Variants in CD8B observed in about 807,000 individuals in gnomAD.
CD8B encodes the protein T-cell surface glycoprotein CD8 beta chain.
A neutral mutation model predicts 24.2 loss-of-function variants in CD8B; 6 were observed. That is an observed-to-expected ratio of 0.25 (90% confidence interval 0.14 to 0.49). The LOEUF is 0.49. Ranked by LOEUF, CD8B falls within the 20% of genes least tolerant of loss-of-function variation. CD8B has a pLI of 0.98. For missense variants in CD8B, 196 were observed against 271.3 expected, an observed-to-expected ratio of 0.72 and a Z score of 1.95; for synonymous variants, 84 against 108.3, an observed-to-expected ratio of 0.78 and a Z score of 1.39.
At chr2:86,843,137 G>A (rs1675515174) in intron 5 of CD8B, among the ~76,000 whole-genome samples, 1 of 152,066 alleles carries the variant, frequency 6.6e-6, no homozygotes, top group African/African-American at 2.4e-5. Context: ...TTGTTGCCCA[G>A]GCTGCAGCGG....
chr2:86,830,535 C>G (rs1189391270), intron 5 of CD8B, among the ~76,000 whole-genome samples: 2 of 151,666 alleles, frequency 1.3e-5, no homozygotes, highest in Non-Finnish European at 2.9e-5. Context: ...CCACTGCACT[C>G]CAGCCTAGGG....
downstream of CD8B, among the ~76,000 whole-genome samples, chr2:86,833,643 T>TCCCTCCCTCCCTCCCTCCCTC: frequency 1.4e-5 from 1 of 72,694 alleles, no homozygotes; most frequent in Admixed American, 1.4e-4. Context: ...CTCCCTCCCT[T>TCCCTCCCTCCCTCCCTCCCTC]CCTTCCTTCC....
chr2:86,845,437 G>T (rs1675630608), intron 4 of CD8B, among the ~76,000 whole-genome samples: 1 of 152,178 alleles, frequency 6.6e-6, no homozygotes, highest in Non-Finnish European at 1.5e-5. Flanking sequence ...ATTGACATTT[G>T]TATTTCAGCC....
At chr2:86,854,534 C>T (rs1676138504) in intron 2 of CD8B, among the ~76,000 whole-genome samples, 2 of 152,290 alleles carry the variant, frequency 1.3e-5, no homozygotes. Flanking sequence ...AAACCCCTGT[C>T]CTGACTCCTG....
chr2:86,842,140 C>T lies in CD8B; in HGVS notation c.*167G>A. 2.0e-6 allele frequency: 3 copies of T among 1,469,764 alleles called. No individual in the cohort carries two copies. The highest frequency in any genetic ancestry group is 2.7e-6 in the Non-Finnish European group (3 of 1,110,730). 91.0% of individuals were successfully genotyped at this position (1,469,764 alleles called of 1,614,324 possible). On this transcript the variant is annotated 3_prime_UTR_variant, in exon 6 of 6. Coordinates refer to ENST00000390655, the MANE Select transcript of CD8B (RefSeq NM_004931.5). Reference sequence around the variant, plus strand: ...CCCGATGACCCACGAACAAGTTGCTCCCATGCACATCACACACAGAAAGGC... The same window carrying T: ...CCCGATGACCCACGAACAAGTTGCTTCCATGCACATCACACACAGAAAGGC...
chr2:86,841,347 C>T lies in CD8B; in HGVS notation c.*960G>A, dbSNP rs531911502. 1.7e-4 allele frequency among the ~76,000 whole-genome samples: 26 copies of T among 150,008 alleles called. No homozygotes were observed. Among genetic ancestry groups the T allele is most frequent in the African/African-American group, 5.6e-4 (23 of 40,752 alleles). Reference sequence around the variant, plus strand: ...AACCCGCGGTAGAAATGAACACGTGCTAGTTCAGCTTGGGAGTGGGCTGGG... The same window carrying T: ...AACCCGCGGTAGAAATGAACACGTGTTAGTTCAGCTTGGGAGTGGGCTGGG... On this transcript the variant is annotated 3_prime_UTR_variant, in exon 6 of 6. Transcript: ENST00000390655.
intron 3 of CD8B, among the ~76,000 whole-genome samples, chr2:86,849,709 T>TG (rs1176950481): frequency 6.7e-6 from 1 of 150,056 alleles, no homozygotes; most frequent in Admixed American, 6.6e-5. Context: ...AGGTGTTTTT[T>TG]TTTTTTTTTT....
At chr2:86,825,328 G>A (rs1264514628) in intron 5 of CD8B, among the ~76,000 whole-genome samples, 1 of 152,186 alleles carries the variant, frequency 6.6e-6, no homozygotes, top group Non-Finnish European at 1.5e-5. Flanking sequence ...TATGGGGGCT[G>A]TGGGAGTGGA....
intron 5 of CD8B, 46 bp from the exon 6 acceptor site, chr2:86,842,365 G>A (rs372075766): frequency 6.3e-5 from 100 of 1,579,292 alleles, no homozygotes; most frequent in Middle Eastern, 1.7e-4. Context: ...TCAGGCAAAC[G>A]ATATTGAATT....
intron 5 of CD8B, among the ~76,000 whole-genome samples, chr2:86,842,569 C>G (rs1339420832): frequency 6.6e-6 from 1 of 152,152 alleles, no homozygotes; most frequent in Non-Finnish European, 1.5e-5. Context: ...TCCTGTAGTA[C>G]CTCTAAGATA....
At chr2:86,836,519 C>G (rs1675185075), downstream of CD8B, among the ~76,000 whole-genome samples, 2 of 152,192 alleles carry the variant, frequency 1.3e-5, no homozygotes, top group Admixed American at 1.3e-4. Flanking sequence ...GGCATGGTGG[C>G]TCATGCCTGT....
At chr2:86,819,937 C>A (rs1291443579) in intron 5 of CD8B, among the ~76,000 whole-genome samples, 1 of 152,094 alleles carries the variant, frequency 6.6e-6, no homozygotes, top group Non-Finnish European at 1.5e-5. Flanking sequence ...CAGGTGATTC[C>A]AATTCTCCTG....
Position 86,841,996 on chromosome 2 carries a change from G to A in CD8B, c.*311C>T, listed in dbSNP as rs1351258129. On this transcript the variant is annotated 3_prime_UTR_variant, in exon 6 of 6. Transcript: ENST00000390655. The stretch of plus-strand genomic sequence containing the variant: ...GGTGGCTAAATGGCCACCACTAAAG[G>A]TCCCAGTTCAGGGAAAGCACAGGAG... 111 of 1,132,454 alleles carry A rather than the reference G, an allele frequency of 9.8e-5. No homozygotes were observed. The highest frequency in any genetic ancestry group is 1.1e-4 in the Non-Finnish European group (101 of 924,142). 70.2% of individuals were successfully genotyped at this position (1,132,454 alleles called of 1,614,324 possible).
chr2:86,818,276 T>C (rs1161666841), intron 5 of CD8B, among the ~76,000 whole-genome samples: 3 of 152,236 alleles, frequency 2.0e-5, no homozygotes, highest in Non-Finnish European at 4.4e-5. Context: ...TAACTGTATG[T>C]AATGAGTACC....
In CD8B at chr2:86,840,443, C is replaced by T. The variant is rs1479843799; in HGVS notation, c.*1864G>A. 1.3e-5 allele frequency among the ~76,000 whole-genome samples: 2 copies of T among 152,216 alleles called. No individual in the cohort carries two copies. Among genetic ancestry groups the T allele is most frequent in the African/African-American group, 2.4e-5 (1 of 41,450 alleles). ...ACTGCATCTCAGATGGAAAGGGAGA[C>T]GGCCCTGGATTGACCACAGACCAAG... On this transcript the variant is annotated 3_prime_UTR_variant, in exon 6 of 6. Coordinates refer to ENST00000390655, the MANE Select transcript of CD8B (RefSeq NM_004931.5).
chr2:86,861,387 T>C (rs1473871645), intron 1 of CD8B, among the ~76,000 whole-genome samples: 1 of 151,840 alleles, frequency 6.6e-6, no homozygotes, highest in Non-Finnish European at 1.5e-5. Context: ...GTTTGTCTGA[T>C]TGTACTACAA....
intron 5 of CD8B, among the ~76,000 whole-genome samples, chr2:86,819,941 TCTC>T (rs1674395477): frequency 6.6e-6 from 1 of 152,136 alleles, no homozygotes; most frequent in South Asian, 2.1e-4. Context: ...TGATTCCAAT[TCTC>T]CTGGATGAGT....
At chr2:86,861,018 G>C (rs1423068789) in intron 1 of CD8B, among the ~76,000 whole-genome samples, 1 of 152,164 alleles carries the variant, frequency 6.6e-6, no homozygotes, top group Admixed American at 6.5e-5. Flanking sequence ...TGACTTTAGT[G>C]CTCTGAACGG....
intron 1 of CD8B, among the ~76,000 whole-genome samples, chr2:86,860,352 C>T (rs1234553861): frequency 2.6e-5 from 4 of 152,218 alleles, no homozygotes; most frequent in African/African-American, 9.6e-5. Context: ...GGCTGCTGGA[C>T]TTCCTCTTGT....
Sources: allele counts gnomAD v4.1 joint callset (sites outside exome capture counted in the v4.1 genomes callset), GRCh38; gene constraint gnomAD v4.1.1; transcripts MANE v1.5; gene names NCBI Gene and HGNC (gene_info 2026-07-23, HGNC 2026-07-21).